PHC3: variants seen among roughly 807,000 people sequenced by gnomAD.
PHC3 encodes polyhomeotic homolog 3.
A neutral mutation model predicts 107.4 loss-of-function variants in PHC3; 13 were observed. That is an observed-to-expected ratio of 0.12 (90% CI 0.08 to 0.19). The LOEUF (loss-of-function observed/expected upper bound fraction) is 0.19. Among genes scored for constraint, PHC3 ranks in the 10% least tolerant of loss-of-function variants. The pLI is 1.00. For synonymous variants in PHC3, 456 were observed against 427.4 expected, an observed-to-expected ratio of 1.07 and a Z score of -0.83; for missense variants, 992 against 1,210.9, an observed-to-expected ratio of 0.82 and a Z score of 2.68.
intron 5 of PHC3, among the ~76,000 whole-genome samples, chr3:170,146,519 T>C (rs979262491): frequency 3.3e-5 from 5 of 149,398 alleles, no homozygotes; most frequent in Non-Finnish European, 7.4e-5. Context: ...CTTTCCTTTT[T>C]TTTCCTTTTC....
chr3:170,088,244 G>C lies in PHC3; in HGVS notation c.*8986C>G, dbSNP rs542213653. 6.6e-6 allele frequency: 1 copy of C among 152,220 alleles called. No homozygotes were observed. The highest frequency in any genetic ancestry group is 2.1e-4 in the South Asian group (1 of 4,820). 9.4% of individuals were successfully genotyped at this position (152,220 alleles called of 1,614,324 possible). On this transcript the variant is annotated 3_prime_UTR_variant, in exon 15 of 15. Transcript: ENST00000495893. ...CTTTTGAGGTTTTAATAATATGAAAGTCCTATTTTAGAACAATGGGAGGAA... is the reference window on the plus strand; with the variant it reads ...CTTTTGAGGTTTTAATAATATGAAACTCCTATTTTAGAACAATGGGAGGAA...
intron 8 of PHC3, among the ~76,000 whole-genome samples, chr3:170,127,583 T>C (rs898794258): frequency 4.6e-5 from 7 of 152,198 alleles, no homozygotes; most frequent in African/African-American, 9.6e-5. Context: ...AGAACCAAAA[T>C]ACTTTTCATT....
chr3:170,140,037 C>T (rs1723777891), intron 6 of PHC3, among the ~76,000 whole-genome samples: 1 of 152,016 alleles, frequency 6.6e-6, no homozygotes, highest in South Asian at 2.1e-4. Flanking sequence ...AATACTCTCA[C>T]ATCAATTATT....
intron 10 of PHC3, 21 bp from the exon 11 acceptor site, chr3:170,113,540 T>C (rs780095072): frequency 1.1e-5 from 18 of 1,573,948 alleles, no homozygotes; most frequent in South Asian, 1.1e-4. Context: ...GGAGAAATAA[T>C]AAAATGAAAC....
intron 6 of PHC3, among the ~76,000 whole-genome samples, chr3:170,144,593 C>T (rs1724654674): frequency 6.6e-6 from 1 of 152,192 alleles, no homozygotes; most frequent in African/African-American, 2.4e-5. Context: ...ATTTTACCCT[C>T]TCACCAGCAA....
chr3:170,098,377 A>G (rs987871846), intron 14 of PHC3, among the ~76,000 whole-genome samples: 1 of 152,204 alleles, frequency 6.6e-6, no homozygotes, highest in East Asian at 1.9e-4. Context: ...ATTTTATTCA[A>G]ATCAGCATTC....
intron 4 of PHC3, among the ~76,000 whole-genome samples, chr3:170,157,457 G>A (rs189284425): frequency 6.6e-6 from 1 of 152,290 alleles, no homozygotes; most frequent in East Asian, 1.9e-4. Context: ...CAAAAATGCA[G>A]TAAAGCTGCT....
At chr3:170,101,872 T>C (rs1715542020) in intron 14 of PHC3, among the ~76,000 whole-genome samples, 2 of 152,116 alleles carry the variant, frequency 1.3e-5, no homozygotes, top group South Asian at 4.1e-4. Context: ...CCCTCAATAT[T>C]AGAATGAATA....
rs1037360869 is a variant in PHC3, at chr3:170,157,378, T to A, written c.415-8134A>T. ...GAACCAACTAAGAAGACAGACGGAC[T>A]GAAAGGGAAAAGAGGCTTTAGGGAA... On this transcript the variant is annotated intron_variant, in intron 4 of 14. Coordinates refer to ENST00000495893, the MANE Select transcript of PHC3 (RefSeq NM_024947.4). Among the ~76,000 whole-genome samples, 4 of 152,346 alleles carry A rather than the reference T, an allele frequency of 2.6e-5. No individual in the cohort carries two copies. In the East Asian group the frequency reaches 7.7e-4, roughly 29 times the overall value.
At chr3:170,146,083 T>A (rs1724884403) in intron 5 of PHC3, among the ~76,000 whole-genome samples, 1 of 152,150 alleles carries the variant, frequency 6.6e-6, no homozygotes, top group Admixed American at 6.5e-5. Flanking sequence ...TAAAGAAATA[T>A]TCATTCTATG....
chr3:170,150,531 T>TA (rs1168514834), intron 4 of PHC3: 2,279 of 77,490 alleles, frequency 0.029, 32 homozygotes, highest in South Asian at 0.05. Context: ...CTGTCTCTAC[T>TA]AAAAAAAAAA....
intron 6 of PHC3, among the ~76,000 whole-genome samples, chr3:170,144,269 A>T (rs1324385157): frequency 1.3e-5 from 2 of 151,334 alleles, no homozygotes; most frequent in African/African-American, 4.9e-5. Context: ...TGAACACAGG[A>T]GGTGGAGGTT....
At position 170,088,637 on chromosome 3, in the gene PHC3, T is replaced by C. The variant is rs554100347; in HGVS notation, c.*8593A>G. On this transcript the variant is annotated 3_prime_UTR_variant, in exon 15 of 15. Coordinates refer to ENST00000495893, the MANE Select transcript of PHC3 (RefSeq NM_024947.4). ...ACTTTTTAAAATTTAAGAATACATATACAAAAAGTACTTATGGAATACATA... is the reference window on the plus strand; with the variant it reads ...ACTTTTTAAAATTTAAGAATACATACACAAAAAGTACTTATGGAATACATA... 19 of 152,206 alleles carry C rather than the reference T, an allele frequency of 1.2e-4. No individual in the cohort carries two copies. Among genetic ancestry groups the C allele is most frequent in the Admixed American group, 1.0e-3 (16 of 15,298 alleles). 9.4% of individuals were successfully genotyped at this position (152,206 alleles called of 1,614,324 possible). A position where few individuals can be genotyped will look rare whatever the true frequency, so the allele number is the denominator to read the frequency against.
Position 170,145,461 on chromosome 3 carries a change from A to G in PHC3, c.634T>C (p.Ser212Pro). Residue 212 changes from serine (S) to proline (P), a missense_variant, in exon 6 of 15, where the codon TCG becomes CCG. Transcript: ENST00000495893. ...GACTGACAGGAAGATGACGATGACG[A>G]CGAGACAACAGGAATGTCAGACTGT... ...AVQSDIPVVS[S>P]SSSSSCQSAA... is the part of the protein sequence containing the mutation. 6.2e-7 allele frequency: 1 copy of G among 1,613,780 alleles called. No individual in the cohort carries two copies. The highest frequency in any genetic ancestry group is 2.2e-5 in the East Asian group (1 of 44,884).
chr3:170,178,140 ATTTTTTT>A (rs1205857388), intron 2 of PHC3, among the ~76,000 whole-genome samples: 8 of 137,586 alleles, frequency 5.8e-5, no homozygotes, highest in South Asian at 2.3e-4. Context: ...CTAAAGGAAA[ATTTTTTT>A]TTTTTTTTTT....
In PHC3 at chr3:170,097,444, C is replaced by T. The variant is rs76680447; in HGVS notation, c.2834-60G>A. 2.9e-3 allele frequency: 4,464 copies of T among 1,514,146 alleles called. 90 individuals carry two copies. The African/African-American group carries it at 0.048, about 16-fold the overall frequency. The allele number at this position is 1,514,146 out of a possible 1,614,324, so 93.8% of individuals were successfully genotyped here. On this transcript the variant is annotated intron_variant, in intron 14 of 14. Transcript: ENST00000495893. The surrounding 1 kb of genome is among the most constrained non-coding windows in gnomAD (Gnocchi z 4.1). ...AATATACAACAATTAGACATTACTC[C>T]TAACAGTCACAGTTATGCTCTCACT... is the stretch of plus-strand genomic sequence containing the variant.
Position 170,102,695 on chromosome 3 carries a change from GA to G in PHC3, c.2616del (p.Pro873HisfsTer18). The G allele has an allele frequency of 6.2e-7, 1 of 1,613,958 alleles. No homozygotes were observed. The highest frequency in any genetic ancestry group is 8.5e-7 in the Non-Finnish European group (1 of 1,179,852). ...EHILRQLPIT[Y>X]PSAEEDLASH... is the part of the protein sequence containing the mutation. ...GAAGCCAAGTCTTCTTCTGCAGATG[GA>G]TAAGTAATTGGAAGCTGGAAAATGT... On this transcript the variant is annotated frameshift_variant, in exon 14 of 15. Coordinates refer to ENST00000495893, the MANE Select transcript of PHC3 (RefSeq NM_024947.4). LOFTEE classifies it high-confidence loss of function.
intron 7 of PHC3, among the ~76,000 whole-genome samples, chr3:170,130,585 T>C (rs529925475): frequency 1.9e-4 from 29 of 152,204 alleles, no homozygotes; most frequent in African/African-American, 6.7e-4. Context: ...CAGAAGCCCA[T>C]GCTACCTAAA....
At chr3:170,149,645 G>A (rs1725573458) in intron 4 of PHC3, among the ~76,000 whole-genome samples, 1 of 151,934 alleles carries the variant, frequency 6.6e-6, no homozygotes, top group Non-Finnish European at 1.5e-5. Flanking sequence ...TATTAGAGAC[G>A]GGGTTTCTCC....
Sources: gnomAD v4.1 joint callset for allele counts (sites outside exome capture counted in the v4.1 genomes callset) on GRCh38, gnomAD v4.1.1 for gene constraint, Gnocchi (gnomAD v3.1) non-coding constraint, MANE v1.5 for transcripts, NCBI Gene and HGNC (gene_info 2026-07-23, HGNC 2026-07-21) for gene names.